Variants in PCDH15 observed in about 807,000 individuals in gnomAD.
PCDH15 encodes protocadherin-15.
PCDH15 carries 129 observed loss-of-function variants against 178.5 expected under a neutral mutation model. The ratio of observed to expected loss-of-function variants is 0.72; its 90% CI spans 0.63 to 0.84. The LOEUF (loss-of-function observed/expected upper bound fraction) is 0.84, where lower values mean the gene tolerates loss of function less well. Ranked by LOEUF, PCDH15 falls within the 40% of genes least tolerant of loss-of-function variation. PCDH15 has a pLI of 0.00. For missense variants in PCDH15, 2,230 were observed against 2,099.9 expected (o/e 1.06, Z -1.21); for synonymous variants, 800 against 732.0 (o/e 1.09, Z -1.50).
At chr10:55,133,075 C>A (rs1279115677) in intron 2 of PCDH15, among the ~76,000 whole-genome samples, 1 of 152,004 alleles carries the variant, frequency 6.6e-6, no homozygotes, top group Non-Finnish European at 1.5e-5. Flanking sequence ...TGATAGATCT[C>A]GATTTGATTG....
chr10:53,878,514 G>GTA (rs1390810510), intron 26 of PCDH15, among the ~76,000 whole-genome samples: 3 of 144,690 alleles, frequency 2.1e-5, no homozygotes, highest in African/African-American at 7.7e-5. Context: ...ATATATACGT[G>GTA]TGTGTGTGTA....
intron 5 of PCDH15, among the ~76,000 whole-genome samples, chr10:54,366,503 G>C (rs569410641): frequency 8.2e-4 from 125 of 152,004 alleles, no homozygotes; most frequent in Non-Finnish European, 1.2e-3. Flanking sequence ...CACATATATA[G>C]TATGTATGTA....
intron 25 of PCDH15, among the ~76,000 whole-genome samples, chr10:53,914,415 C>A (rs575087725): frequency 5.3e-5 from 8 of 152,272 alleles, no homozygotes; most frequent in African/African-American, 1.9e-4. Flanking sequence ...ACATATACAC[C>A]ATGGAATACT....
intron 8 of PCDH15, among the ~76,000 whole-genome samples, chr10:54,311,942 T>C (rs2060938686): frequency 6.6e-6 from 1 of 152,070 alleles, no homozygotes; most frequent in Non-Finnish European, 1.5e-5. Context: ...AAATTCTGCA[T>C]GTATTATAAT....
intron 3 of PCDH15, among the ~76,000 whole-genome samples, chr10:54,409,350 T>C (rs1953147251): frequency 6.6e-6 from 1 of 152,178 alleles, no homozygotes; most frequent in Non-Finnish European, 1.5e-5. Context: ...CTTTCAATCA[T>C]ATGTGAACTA....
intron 1 of PCDH15, among the ~76,000 whole-genome samples, chr10:54,706,418 T>A (rs1297444178): frequency 1.3e-5 from 2 of 152,116 alleles, no homozygotes; most frequent in African/African-American, 4.8e-5. Flanking sequence ...CTATAAGAAT[T>A]TAAATTGCAT....
chr10:54,693,452 T>G (rs1053223499), intron 1 of PCDH15, among the ~76,000 whole-genome samples: 1 of 152,136 alleles, frequency 6.6e-6, no homozygotes, highest in African/African-American at 2.4e-5. Context: ...ATTGACAACA[T>G]TTTCTGAGAT....
At chr10:54,376,991 T>C (rs1199257473) in intron 4 of PCDH15, among the ~76,000 whole-genome samples, 1 of 152,018 alleles carries the variant, frequency 6.6e-6, no homozygotes, top group Non-Finnish European at 1.5e-5. Context: ...TATTTATTCA[T>C]GCAATAACCA....
chr10:53,977,025 C>T (rs191731919), intron 21 of PCDH15, among the ~76,000 whole-genome samples: 1 of 151,730 alleles, frequency 6.6e-6, no homozygotes, highest in Non-Finnish European at 1.5e-5. Context: ...TCTTCTTTAT[C>T]TGTCCCTAAT....
intron 2 of PCDH15, among the ~76,000 whole-genome samples, chr10:55,374,568 C>T (rs905347546): frequency 6.6e-6 from 1 of 151,898 alleles, no homozygotes; most frequent in Non-Finnish European, 1.5e-5. Context: ...GAGTCAGAAA[C>T]TTAATATGAG....
At chr10:54,144,449 T>C (rs1207479659) in intron 14 of PCDH15, among the ~76,000 whole-genome samples, 1 of 152,180 alleles carries the variant, frequency 6.6e-6, no homozygotes, top group Non-Finnish European at 1.5e-5. Flanking sequence ...ACGCACCAGA[T>C]CACCATATTC....
chr10:54,512,805 T>C (rs1363549514), intron 3 of PCDH15, among the ~76,000 whole-genome samples: 2 of 152,150 alleles, frequency 1.3e-5, no homozygotes, highest in Admixed American at 1.3e-4. Context: ...TTCTGTCTAA[T>C]TATACTCTTT....
At chr10:54,808,970 T>C (rs1434203684) in intron 3 of PCDH15, among the ~76,000 whole-genome samples, 1 of 151,782 alleles carries the variant, frequency 6.6e-6, no homozygotes, top group African/African-American at 2.4e-5. Flanking sequence ...ACACAGATTG[T>C]ATTAAGACGC....
chr10:54,406,017 T>G (rs1952621772), intron 3 of PCDH15, among the ~76,000 whole-genome samples: 1 of 152,098 alleles, frequency 6.6e-6, no homozygotes, highest in African/African-American at 2.4e-5. Context: ...TTTATCTACA[T>G]TGGTTAGAGA....
intron 2 of PCDH15, among the ~76,000 whole-genome samples, chr10:55,474,814 A>G (rs2132111083): frequency 6.6e-6 from 1 of 152,196 alleles, no homozygotes; most frequent in South Asian, 2.1e-4. Context: ...TTTTTGTATA[A>G]TAATCACATA....
chr10:55,388,233 TC>T (rs1239668794), intron 2 of PCDH15, among the ~76,000 whole-genome samples: 3 of 152,222 alleles, frequency 2.0e-5, no homozygotes, highest in South Asian at 2.1e-4. Flanking sequence ...AATTGGGACT[TC>T]TTCCCCATAT....
chr10:54,628,253 G>A (rs1396570713), intron 2 of PCDH15, among the ~76,000 whole-genome samples: 4 of 152,158 alleles, frequency 2.6e-5, no homozygotes, highest in Admixed American at 2.0e-4. Flanking sequence ...ACGAGAAGAA[G>A]CAGGAAGATG....
At chr10:55,567,400 AAATT>A (rs1392478921) in intron 2 of PCDH15, among the ~76,000 whole-genome samples, 4 of 151,800 alleles carry the variant, frequency 2.6e-5, no homozygotes, top group African/African-American at 9.7e-5. Flanking sequence ...TCACAAAACA[AAATT>A]AAAAAGAGGC....
intron 2 of PCDH15, among the ~76,000 whole-genome samples, chr10:55,467,316 C>CAGT (rs1428292771): frequency 6.6e-6 from 1 of 150,994 alleles, no homozygotes; most frequent in Non-Finnish European, 1.5e-5. Context: ...GCTGTACACT[C>CAGT]ACTCCCATGA....
Sources: allele counts gnomAD v4.1 joint callset (sites outside exome capture counted in the v4.1 genomes callset), GRCh38; gene constraint gnomAD v4.1.1; transcripts MANE v1.5; gene names NCBI Gene and HGNC (gene_info 2026-07-23, HGNC 2026-07-21).